CD5: variants seen among roughly 807,000 people sequenced by gnomAD.
The protein encoded by CD5 is CD5 molecule.
In CD5, 36 loss-of-function variants were observed where a neutral mutation model predicts 60.3. The ratio of observed to expected loss-of-function variants is 0.60; its 90% CI spans 0.46 to 0.79. The LOEUF (loss-of-function observed/expected upper bound fraction) is 0.79. CD5 is among the 30% of genes least tolerant of loss of function. The pLI is 0.00. For missense variants in CD5, 540 were observed against 630.6 expected, an observed-to-expected ratio of 0.86 and a Z score of 1.54; for synonymous variants, 230 against 257.6, an observed-to-expected ratio of 0.89 and a Z score of 1.03.
At chr11:61,123,201 A>T (rs1168063244) in intron 7 of CD5, among the ~76,000 whole-genome samples, 169 bp downstream of exon 7, 1 of 152,132 alleles carries the variant, frequency 6.6e-6, no homozygotes, top group Non-Finnish European at 1.5e-5. Context: ...TTTCTGCCCC[A>T]AGTAACAGAA....
chr11:61,098,527 G>C (rs535702375), upstream of CD5, among the ~76,000 whole-genome samples: 13 of 152,188 alleles, frequency 8.5e-5, no homozygotes, highest in Non-Finnish European at 1.8e-4. Flanking sequence ...ATCGACCCCT[G>C]ACCTAATCTG....
intron 7 of CD5, 73 bp from the exon 8 acceptor site, chr11:61,123,811 A>AAACCCCCCCCCCC: frequency 3.8e-6 from 1 of 262,112 alleles, no homozygotes; most frequent in Non-Finnish European, 7.1e-6. Context: ...GCCCAGCCCC[A>AAACCCCCCCCCCC]TCCCCACCCC....
At chr11:61,116,635 C>T (rs1476194255) in intron 2 of CD5, among the ~76,000 whole-genome samples, 2 of 146,446 alleles carry the variant, frequency 1.4e-5, no homozygotes, top group African/African-American at 2.5e-5. Context: ...ACACCACACA[C>T]ACCACACACA....
intron 7 of CD5, 135 bp downstream of exon 7, chr11:61,123,167 T>TC (rs1861094901): frequency 9.8e-7 from 1 of 1,017,256 alleles, no homozygotes; most frequent in Admixed American, 2.9e-5. Context: ...CACCCAGCCT[T>TC]CCCCTCTCCT....
chr11:61,099,478 TCA>T (rs71043745), upstream of CD5, among the ~76,000 whole-genome samples: 3 of 105,478 alleles, frequency 2.8e-5, no homozygotes, highest in African/African-American at 4.7e-5. Flanking sequence ...AACATGGAGA[TCA>T]CACACACATC....
upstream of CD5, among the ~76,000 whole-genome samples, chr11:61,101,371 A>G (rs62646351): frequency 0.37 from 35,967 of 96,944 alleles, 5,745 homozygotes; most frequent in African/African-American, 0.57. Flanking sequence ...GATCACACAC[A>G]CACATCAACA....
At position 61,127,454 on chromosome 11, in the gene CD5, C is replaced by G. The variant is rs1172112090; in HGVS notation, c.*1169C>G. 6.6e-6 allele frequency: 1 copy of G among 152,302 alleles called. No individual in the cohort carries two copies. The highest frequency in any genetic ancestry group is 2.4e-5 in the African/African-American group (1 of 41,458). The allele number at this position is 152,302 out of a possible 1,614,324, so 9.4% of individuals were successfully genotyped here. ...CAATGGTCCAAGCCGCATAATAAGTCTGGAAGAGCAAAAGGGAGTTACTAG... is the reference window on the plus strand; with the variant it reads ...CAATGGTCCAAGCCGCATAATAAGTGTGGAAGAGCAAAAGGGAGTTACTAG... On this transcript the variant is annotated 3_prime_UTR_variant, in exon 11 of 11. Transcript: ENST00000347785.
At position 61,118,515 on chromosome 11, in the gene CD5, C is replaced by T. The variant is rs1452240948; in HGVS notation, c.400+35C>T. Reference sequence around the variant, plus strand: ...TAGCCAGCCACACGGGCACCCTGGGCCTGGGCGCCAGCCCCGAGGAGACTG... The same window carrying T: ...TAGCCAGCCACACGGGCACCCTGGGTCTGGGCGCCAGCCCCGAGGAGACTG... On this transcript the variant is annotated intron_variant, in intron 3 of 10. Coordinates refer to ENST00000347785, the MANE Select transcript of CD5 (RefSeq NM_014207.4). The surrounding 1 kb of genome is among the most constrained non-coding windows in gnomAD (Gnocchi z 4.7). 1.3e-6 allele frequency: 2 copies of T among 1,597,478 alleles called. No homozygotes were observed.
chr11:61,103,807 G>A (rs1455016773), intron 1 of CD5, among the ~76,000 whole-genome samples: 1 of 131,676 alleles, frequency 7.6e-6, no homozygotes, highest in Non-Finnish European at 1.6e-5. Context: ...GTGAGTCTGT[G>A]TGTGAGTCTC....
At chr11:61,116,563 ACACACACAC>A (rs1434704301) in intron 2 of CD5, among the ~76,000 whole-genome samples, 11 of 66,944 alleles carry the variant, frequency 1.6e-4, no homozygotes, top group East Asian at 4.8e-4. Flanking sequence ...CACACACACC[ACACACACAC>A]CACACACACC....
At position 61,121,766 on chromosome 11, in the gene CD5, T is replaced by C. The variant is rs1238039314; in HGVS notation, c.961T>C (p.Cys321Arg). The C allele has an allele frequency of 6.2e-6, 10 of 1,612,044 alleles. No homozygotes were observed. The highest frequency in any genetic ancestry group is 7.6e-6 in the Non-Finnish European group (9 of 1,178,706). The change falls in exon 6 of 11, where the codon TGT becomes CGT. Residue 321 changes from cysteine to arginine, a missense_variant. By Grantham distance (180) the Cys-to-Arg change is radical. Coordinates refer to ENST00000347785, the MANE Select transcript of CD5 (RefSeq NM_014207.4). ...GGAGGAGGTGTGCCGGGAGCAGCAG[T>C]GTGGCAGCGTCAACTCCTATCGAGT... ...RWEEVCREQQCGSVNSYRVLD... is the reference protein window; with the variant it reads ...RWEEVCREQQRGSVNSYRVLD...
chr11:61,116,806 A>T (rs111909354), intron 2 of CD5, among the ~76,000 whole-genome samples: 60,208 of 143,556 alleles, frequency 0.42, 13,731 homozygotes, highest in East Asian at 0.91. Context: ...TGCACACTAC[A>T]CACACCACAC....
intron 5 of CD5, among the ~76,000 whole-genome samples, chr11:61,121,286 T>C (rs1319181446): frequency 1.3e-5 from 2 of 152,260 alleles, no homozygotes; most frequent in Non-Finnish European, 2.9e-5. Flanking sequence ...TCCCACGCTC[T>C]TCTCTTATCT....
Position 61,121,816 on chromosome 11 carries a change from C to T in CD5, c.1011C>T (p.Ser337=), listed in dbSNP as rs781264522. Residue 337 remains serine, a synonymous_variant, in exon 6 of 11, where the codon TCC becomes TCT. Coordinates refer to ENST00000347785, the MANE Select transcript of CD5 (RefSeq NM_014207.4). ...YRVLDAGDPT[S]RGLFCPHQKL... ...TGCTGGACGCTGGTGACCCAACATC[C>T]CGGGGGCTCTTCTGTCCCCATCAGA... 9 of 1,608,484 alleles carry T rather than the reference C, an allele frequency of 5.6e-6. No homozygotes were observed. Among genetic ancestry groups the T allele is most frequent in the Admixed American group, 1.7e-5 (1 of 59,734 alleles).
intron 1 of CD5, among the ~76,000 whole-genome samples, chr11:61,113,842 T>A (rs1860895412): frequency 6.6e-6 from 1 of 152,072 alleles, no homozygotes; most frequent in Non-Finnish European, 1.5e-5. Flanking sequence ...CTAATTTTTG[T>A]TATTTTTAGT....
chr11:61,103,019 A>T (rs987287767), intron 1 of CD5, among the ~76,000 whole-genome samples: 4 of 152,150 alleles, frequency 2.6e-5, no homozygotes, highest in Admixed American at 2.0e-4. Flanking sequence ...GCCTCCAGAG[A>T]CATGGAAACT....
At chr11:61,121,549 G>A (rs1590774561) in intron 5 of CD5, 62 bp from the exon 6 acceptor site, 1 of 1,358,474 alleles carries the variant, frequency 7.4e-7, no homozygotes, top group Non-Finnish European at 9.5e-7. Flanking sequence ...GGGGCCCCAG[G>A]AAGCAGCACA....
chr11:61,102,639 TGCGAACACCCGG>T lies in CD5; in HGVS notation c.55+27_55+38del, dbSNP rs754024929. 2.6e-6 allele frequency: 4 copies of T among 1,567,986 alleles called. No individual in the cohort carries two copies. The South Asian group carries it at 4.7e-5, about 18-fold the overall frequency. ...GGGTGAGTACCCCTCCCAGGTGTCC[TGCGAACACCCGG>T]GCTCGCTCCAGTGCAAGGAAGGAGT... On this transcript the variant is annotated intron_variant, in intron 1 of 10. Coordinates refer to ENST00000347785, the MANE Select transcript of CD5 (RefSeq NM_014207.4).
chr11:61,127,431 A>G lies in CD5; in HGVS notation c.*1146A>G, dbSNP rs1303823351. 6.6e-6 allele frequency: 1 copy of G among 152,260 alleles called. No individual in the cohort carries two copies. Among genetic ancestry groups the G allele is most frequent in the Admixed American group, 6.5e-5 (1 of 15,282 alleles). The allele number at this position is 152,260 out of a possible 1,614,324, so 9.4% of individuals were successfully genotyped here. A position where few individuals can be genotyped will look rare whatever the true frequency, so the allele number is the denominator to read the frequency against. ...GTATCTCCTGGGAGCACAGGCATCA[A>G]TGGTCCAAGCCGCATAATAAGTCTG... is the stretch of plus-strand genomic sequence containing the variant. On this transcript the variant is annotated 3_prime_UTR_variant, in exon 11 of 11. Coordinates refer to ENST00000347785, the MANE Select transcript of CD5 (RefSeq NM_014207.4).
Sources: allele counts gnomAD v4.1 joint callset (sites outside exome capture counted in the v4.1 genomes callset), GRCh38; gene constraint gnomAD v4.1.1; non-coding constraint Gnocchi (gnomAD v3.1); transcripts MANE v1.5; gene names NCBI Gene and HGNC (gene_info 2026-07-23, HGNC 2026-07-21).